Variants in DHX33 observed in about 807,000 individuals in gnomAD.
The protein encoded by DHX33 is DEAH-box helicase 33, also known as ATP-dependent RNA helicase DHX33.
Under a neutral mutation model 72.5 loss-of-function variants are expected in DHX33, and 42 were observed. The observed-to-expected ratio is 0.58, with a 90% CI of 0.45 to 0.75. The LOEUF (loss-of-function observed/expected upper bound fraction) is 0.75, where lower values mean the gene tolerates loss of function less well. DHX33 is among the 30% of genes least tolerant of loss of function. The pLI is 0.00. For missense variants in DHX33, 842 were observed against 917.5 expected, an observed-to-expected ratio of 0.92 and a Z score of 1.06; for synonymous variants, 358 against 366.1, an observed-to-expected ratio of 0.98 and a Z score of 0.25.
chr17:5,443,975 C>T lies in DHX33; in HGVS notation c.*230G>A, dbSNP rs1916531745. Reference sequence around the variant, plus strand: ...CAGGTGTTAAATTAAGTCAAAGTCACCCAGTAAGAACCAAAAGCATAATTT... The same window carrying T: ...CAGGTGTTAAATTAAGTCAAAGTCATCCAGTAAGAACCAAAAGCATAATTT... On this transcript the variant is annotated 3_prime_UTR_variant, in exon 12 of 12. Transcript: ENST00000225296. 1 of 479,120 alleles carries T rather than the reference C, an allele frequency of 2.1e-6. No individual in the cohort carries two copies. Among genetic ancestry groups the T allele is most frequent in the African/African-American group, 1.9e-5 (1 of 51,696 alleles). 29.7% of individuals were successfully genotyped at this position (479,120 alleles called of 1,614,324 possible). A position where few individuals can be genotyped will look rare whatever the true frequency, so the allele number is the denominator to read the frequency against.
rs1916479771 is a variant in DHX33, at chr17:5,442,670, T to C, written c.*1535A>G. The C allele has an allele frequency of 6.6e-6, 1 of 152,226 alleles. No homozygotes were observed. The highest frequency in any genetic ancestry group is 2.4e-5 in the African/African-American group (1 of 41,458). 9.4% of individuals were successfully genotyped at this position (152,226 alleles called of 1,614,324 possible). A position where few individuals can be genotyped will look rare whatever the true frequency, so the allele number is the denominator to read the frequency against. ...ACAGCTTCCAGAAAGAGAGCATCCATGATCTCTGAAGAGCCTCTTGGGCAG... is the reference window on the plus strand; with the variant it reads ...ACAGCTTCCAGAAAGAGAGCATCCACGATCTCTGAAGAGCCTCTTGGGCAG... On this transcript the variant is annotated 3_prime_UTR_variant, in exon 12 of 12. Transcript: ENST00000225296.
chr17:5,462,395 A>C lies in DHX33; in HGVS notation c.602T>G (p.Ile201Ser), dbSNP rs1904680269. The C allele has an allele frequency of 1.9e-6, 3 of 1,614,174 alleles. No homozygotes were observed. The highest frequency in any genetic ancestry group is 1.7e-6 in the Non-Finnish European group (2 of 1,180,026). The change falls in exon 3 of 12, where the codon ATC (isoleucine) becomes AGC (serine). Residue 201 changes from isoleucine (I) to serine (S), a missense_variant. Ile to Ser is a moderately radical substitution (Grantham distance 142). Transcript: ENST00000225296. ...VILDEAHERT[I>S]HTDVLFGVVK... Reference sequence around the variant, plus strand: ...CACTCCAAAGAGCACATCTGTGTGGATAGTCCGTTCGTGAGCTTCATCCAA... The same window carrying C: ...CACTCCAAAGAGCACATCTGTGTGGCTAGTCCGTTCGTGAGCTTCATCCAA...
At chr17:5,456,316 G>T in intron 4 of DHX33, 134 bp from the exon 5 acceptor site, 1 of 1,007,420 alleles carries the variant, frequency 9.9e-7, no homozygotes, top group Non-Finnish European at 1.5e-6. Context: ...CCTAAAAGTT[G>T]ATGTCTAGCT....
At chr17:5,459,695 G>A (rs982400052) in intron 4 of DHX33, among the ~76,000 whole-genome samples, 6 of 152,138 alleles carry the variant, frequency 3.9e-5, no homozygotes, top group Non-Finnish European at 8.8e-5. Context: ...TTCCCAAAGT[G>A]CTAGGATTAC....
At chr17:5,448,277 G>A (rs942857361) in intron 11 of DHX33, among the ~76,000 whole-genome samples, 6 of 152,180 alleles carry the variant, frequency 3.9e-5, no homozygotes, top group Non-Finnish European at 7.3e-5. Flanking sequence ...TCATATGCAC[G>A]TATCCGTTAT....
intron 1 of DHX33, among the ~76,000 whole-genome samples, chr17:5,466,985 C>G (rs139214863): frequency 6.6e-6 from 1 of 152,272 alleles, no homozygotes; most frequent in East Asian, 1.9e-4. Context: ...TTTTTACCTA[C>G]GTTAAAAGGT....
chr17:5,460,125 T>C (rs759236416), intron 4 of DHX33, among the ~76,000 whole-genome samples: 8 of 151,510 alleles, frequency 5.3e-5, no homozygotes, highest in African/African-American at 1.9e-4. Flanking sequence ...CGCCATTCTC[T>C]TGCCTCAGTC....
Position 5,450,939 on chromosome 17 carries a change from A to T in DHX33, c.1397-5T>A. ...CAATGGCCGCCTGAATGTGATCTAA[A>T]GAAACAGAGACATAAAAAGGAGCCA... On this transcript the variant is annotated splice_polypyrimidine_tract_variant and splice_region_variant and intron_variant, in intron 8 of 11. Coordinates refer to ENST00000225296, the MANE Select transcript of DHX33 (RefSeq NM_020162.4). The T allele has an allele frequency of 6.2e-7, 1 of 1,611,840 alleles. No individual in the cohort carries two copies. Among genetic ancestry groups the T allele is most frequent in the Non-Finnish European group, 8.5e-7 (1 of 1,179,360 alleles).
intron 9 of DHX33, 115 bp downstream of exon 9, chr17:5,450,692 G>A: frequency 6.9e-7 from 1 of 1,453,898 alleles, no homozygotes; most frequent in Non-Finnish European, 9.4e-7. Flanking sequence ...CTAGGGGTTG[G>A]TAATTATGTA....
chr17:5,450,350 G>A lies in DHX33; in HGVS notation c.1581C>T (p.Ser527=), dbSNP rs141338651. 6.2e-7 allele frequency: 1 copy of A among 1,614,192 alleles called. No individual in the cohort carries two copies. Among genetic ancestry groups the A allele is most frequent in the Non-Finnish European group, 8.5e-7 (1 of 1,180,042 alleles). Residue 527 remains serine (S), a synonymous_variant, in exon 10 of 12, where the codon TCC becomes TCT. Transcript: ENST00000225296. ...GGAGGACGCTGTCCACAGACAGCAGGGAGACAATGGTCAGGATCTCCTCTG... is the reference window on the plus strand; with the variant it reads ...GGAGGACGCTGTCCACAGACAGCAGAGAGACAATGGTCAGGATCTCCTCTG... ...HCTEEILTIV[S]LLSVDSVLHN... is the part of the protein sequence containing the mutation.
chr17:5,454,161 A>G (rs1312632235), intron 6 of DHX33, among the ~76,000 whole-genome samples, 181 bp from the exon 7 acceptor site: 3 of 152,220 alleles, frequency 2.0e-5, no homozygotes, highest in Non-Finnish European at 4.4e-5. Context: ...CTAGTGAAAC[A>G]AGGCTTTGCC....
At chr17:5,447,514 C>T (rs1023090077) in intron 11 of DHX33, among the ~76,000 whole-genome samples, 23 of 152,098 alleles carry the variant, frequency 1.5e-4, no homozygotes, top group African/African-American at 5.3e-4. Context: ...GTCCCAGCTA[C>T]TCGGGAGGCT....
In DHX33 at chr17:5,450,355, C is replaced by T; in HGVS notation, c.1576G>A (p.Val526Ile). The T allele has an allele frequency of 6.2e-7, 1 of 1,614,152 alleles. No individual in the cohort carries two copies. The highest frequency in any genetic ancestry group is 8.5e-7 in the Non-Finnish European group (1 of 1,180,044). ...FHCTEEILTI[V>I]SLLSVDSVLH... ...ACGCTGTCCACAGACAGCAGGGAGA[C>T]AATGGTCAGGATCTCCTCTGTACAG... is the stretch of plus-strand genomic sequence containing the variant. The change falls in exon 10 of 12, where the codon GTC becomes ATC. Residue 526 changes from valine to isoleucine, a missense_variant. Transcript: ENST00000225296.
At chr17:5,452,123 G>A (rs1916946401) in intron 8 of DHX33, among the ~76,000 whole-genome samples, 1 of 152,152 alleles carries the variant, frequency 6.6e-6, no homozygotes, top group South Asian at 2.1e-4. Context: ...GTACACAGGT[G>A]TTAGATTTTA....
At chr17:5,448,491 A>C (rs967932787) in intron 11 of DHX33, among the ~76,000 whole-genome samples, 5 of 152,216 alleles carry the variant, frequency 3.3e-5, no homozygotes, top group Non-Finnish European at 7.4e-5. Flanking sequence ...ATCTAAAAGG[A>C]AATAATGCAG....
intron 11 of DHX33, among the ~76,000 whole-genome samples, chr17:5,447,109 C>T (rs1021109035): frequency 2.6e-5 from 4 of 152,244 alleles, no homozygotes; most frequent in African/African-American, 9.6e-5. Context: ...AGCAAAAGAA[C>T]ACTTCCGCTA....
chr17:5,463,768 C>G, intron 1 of DHX33, 79 bp from the exon 2 acceptor site: 1 of 1,412,046 alleles, frequency 7.1e-7, no homozygotes, highest in Non-Finnish European at 9.4e-7. Context: ...CACCTATAAT[C>G]TCAGCACTTT....
rs1916853483 is a variant in DHX33 at position 5,450,479 on chromosome 17, G to A, written c.1525-73C>T. On this transcript the variant is annotated intron_variant, in intron 9 of 11. Coordinates refer to ENST00000225296, the MANE Select transcript of DHX33 (RefSeq NM_020162.4). ...TTAGAATGCACTATTTCTGTACATTGCTTTTGCAGTTTCCCTTCTAAGGAG... is the reference window on the plus strand; with the variant it reads ...TTAGAATGCACTATTTCTGTACATTACTTTTGCAGTTTCCCTTCTAAGGAG... 2.7e-6 allele frequency: 4 copies of A among 1,500,234 alleles called. No individual in the cohort carries two copies. The East Asian group carries it at 9.1e-5, about 34-fold the overall frequency. 92.9% of individuals were successfully genotyped at this position (1,500,234 alleles called of 1,614,324 possible).
intron 1 of DHX33, among the ~76,000 whole-genome samples, chr17:5,467,291 A>AC (rs1904912531): frequency 6.6e-6 from 1 of 152,158 alleles, no homozygotes. Flanking sequence ...ACAACTACCC[A>AC]AAAACATCTA....
Sources: gnomAD v4.1 joint callset for allele counts (sites outside exome capture counted in the v4.1 genomes callset) on GRCh38, gnomAD v4.1.1 for gene constraint, MANE v1.5 for transcripts, NCBI Gene and HGNC (gene_info 2026-07-23, HGNC 2026-07-21) for gene names.